Variants in GPR155 observed in about 807,000 individuals in gnomAD.
GPR155 encodes the protein lysosomal cholesterol signaling protein.
GPR155 carries 65 observed loss-of-function variants against 93.1 expected under a neutral mutation model. That is an observed-to-expected ratio of 0.70 (90% confidence interval 0.57 to 0.86). The LOEUF (loss-of-function observed/expected upper bound fraction) is 0.86. Among genes scored for constraint, GPR155 ranks in the 40% least tolerant of loss-of-function variants. The pLI is 0.00. For missense variants in GPR155, 838 were observed against 1,034.8 expected (o/e 0.81, Z 2.61); for synonymous variants, 319 against 360.1 (o/e 0.89, Z 1.29).
chr2:174,448,714 T>G (rs1687230060), intron 11 of GPR155, among the ~76,000 whole-genome samples: 1 of 151,410 alleles, frequency 6.6e-6, no homozygotes, highest in South Asian at 2.1e-4. Context: ...ATTTTTTGTA[T>G]TTTTAGTAGA....
rs1307290630 is a variant in GPR155 at position 174,432,822 on chromosome 2, G to T, written c.*3294C>A. 1 of 140,306 alleles carries T rather than the reference G, an allele frequency of 7.1e-6. No homozygotes were observed. Among genetic ancestry groups the T allele is most frequent in the African/African-American group, 2.7e-5 (1 of 37,166 alleles). 8.7% of individuals were successfully genotyped at this position (140,306 alleles called of 1,614,324 possible). A position where few individuals can be genotyped will look rare whatever the true frequency, so the allele number is the denominator to read the frequency against. Reference sequence around the variant, plus strand: ...TCTGTCGCCCAGGCTGGAGTGCAGTGGCGCGATCTTGGTTCACTGCAAGCT... The same window carrying T: ...TCTGTCGCCCAGGCTGGAGTGCAGTTGCGCGATCTTGGTTCACTGCAAGCT... On this transcript the variant is annotated 3_prime_UTR_variant, in exon 16 of 16. Transcript: ENST00000392552.
At chr2:174,445,459 G>C (rs1687093166) in intron 12 of GPR155, 1 of 230,270 alleles carries the variant, frequency 4.3e-6, no homozygotes, top group Admixed American at 5.5e-5. Flanking sequence ...TTGCCAACTA[G>C]CCTAAGACAG....
intron 13 of GPR155, among the ~76,000 whole-genome samples, chr2:174,442,790 G>C (rs566083492): frequency 6.6e-6 from 1 of 152,266 alleles, no homozygotes; most frequent in East Asian, 1.9e-4. Flanking sequence ...CTTGATAGAA[G>C]TAGAATGGAG....
intron 2 of GPR155, among the ~76,000 whole-genome samples, chr2:174,480,467 T>C (rs1688287007): frequency 6.6e-6 from 1 of 152,164 alleles, no homozygotes; most frequent in South Asian, 2.1e-4. Context: ...ATGATCAAAG[T>C]ATATATAACT....
intron 7 of GPR155, 102 bp downstream of exon 7, chr2:174,465,683 C>G: frequency 3.1e-6 from 2 of 637,916 alleles, no homozygotes; most frequent in Non-Finnish European, 5.7e-6. Context: ...ATGCCTTGAT[C>G]CTGTACTACC....
chr2:174,467,115 C>G (rs1165322998), intron 5 of GPR155, among the ~76,000 whole-genome samples: 1 of 151,938 alleles, frequency 6.6e-6, no homozygotes, highest in Non-Finnish European at 1.5e-5. Context: ...CAAGATTGCA[C>G]CACTGCACTC....
chr2:174,460,079 T>C lies in GPR155; in HGVS notation c.1570A>G (p.Thr524Ala), dbSNP rs750372786. Residue 524 changes from threonine (T) to alanine (A), a missense_variant, in exon 10 of 16, where the codon ACA becomes GCA. By Grantham distance (58) the Thr-to-Ala change is moderately conservative. This residue lies in a region of GPR155 where 663 missense variants were observed against 790.1 expected (regional missense o/e 0.84). Transcript: ENST00000392552. ...ATGCTGCAGAACAGGGTGACTGCTGTGGTGATCATCTGCCGACATGAAAAA... is the reference window on the plus strand; with the variant it reads ...ATGCTGCAGAACAGGGTGACTGCTGCGGTGATCATCTGCCGACATGAAAAA... ...FFYGKEQMIT[T>A]AVTLFCSILI... The C allele has an allele frequency of 6.2e-7, 1 of 1,612,054 alleles. No individual in the cohort carries two copies. Among genetic ancestry groups the C allele is most frequent in the South Asian group, 1.1e-5 (1 of 90,916 alleles).
rs72910831 is a variant in GPR155, at chr2:174,484,033, T to C, written c.-31-2046A>G. Among the ~76,000 whole-genome samples, 1,091 of 152,322 alleles carry C rather than the reference T, an allele frequency of 7.2e-3. 14 individuals are homozygous for C. The highest frequency in any genetic ancestry group is 0.012 in the Non-Finnish European group (806 of 68,040). ...CTATATCACATTAAAAAGACTTAGA[T>C]GGCAGCCCAGAGATCACCAACAACT... On this transcript the variant is annotated intron_variant, in intron 1 of 15. Coordinates refer to ENST00000392552, the MANE Select transcript of GPR155 (RefSeq NM_152529.7).
rs1374369244 is a variant in GPR155, at chr2:174,470,653, C to T, written c.861-98G>A. 8 of 965,218 alleles carry T rather than the reference C, an allele frequency of 8.3e-6. 1 individual carries two copies. In the East Asian group the frequency reaches 2.0e-4, roughly 24 times the overall value. The allele number at this position is 965,218 out of a possible 1,614,324, so 59.8% of individuals were successfully genotyped here. A position where few individuals can be genotyped will look rare whatever the true frequency, so the allele number is the denominator to read the frequency against. Reference sequence around the variant, plus strand: ...GAATTTGGCATCAGGTTCTCCTGCCCAGAAGGTATGTCTATTTGCATGCAC... The same window carrying T: ...GAATTTGGCATCAGGTTCTCCTGCCTAGAAGGTATGTCTATTTGCATGCAC... On this transcript the variant is annotated intron_variant, in intron 3 of 15. Coordinates refer to ENST00000392552, the MANE Select transcript of GPR155 (RefSeq NM_152529.7).
intron 13 of GPR155, among the ~76,000 whole-genome samples, chr2:174,443,456 G>A (rs551494050): frequency 1.4e-4 from 22 of 152,236 alleles, no homozygotes; most frequent in South Asian, 1.2e-3. Context: ...GGCTGGGTGC[G>A]GTGGCCCATG....
Position 174,470,434 on chromosome 2 carries a change from C to T in GPR155, c.982G>A (p.Gly328Arg). 3.7e-6 allele frequency: 6 copies of T among 1,613,594 alleles called. No individual in the cohort carries two copies. Among genetic ancestry groups the T allele is most frequent in the Non-Finnish European group, 4.2e-6 (5 of 1,179,664 alleles). Residue 328 changes from glycine (G) to arginine (R), a missense_variant, in exon 4 of 16, where the codon GGA (glycine) becomes AGA (arginine). By Grantham distance (125) the Gly-to-Arg change is moderately radical. Around this residue, in one of 3 missense-constraint regions of GPR155, gnomAD observed 663 missense variants for 790.1 expected, o/e 0.84. Coordinates refer to ENST00000392552, the MANE Select transcript of GPR155 (RefSeq NM_152529.7). ...AATTGTGTTGCAAAGATAGCCACTC[C>T]TGGTGCTACAGGAAATACACCATAC... The part of the protein sequence containing the change: ...FLYGVFPVAP[G>R]VAIFATQFNM...
rs938074262 is a variant in GPR155, at chr2:174,435,236, T to A, written c.*880A>T. ...ATGCACAGGTTCCACATCCATAGAT[T>A]CAATCAACCGCAGATAAAAAGATGT... is the stretch of plus-strand genomic sequence containing the variant. On this transcript the variant is annotated 3_prime_UTR_variant, in exon 16 of 16. Coordinates refer to ENST00000392552, the MANE Select transcript of GPR155 (RefSeq NM_152529.7). 7 of 152,204 alleles carry A rather than the reference T, an allele frequency of 4.6e-5. No homozygotes were observed. Among genetic ancestry groups the A allele is most frequent in the Non-Finnish European group, 8.8e-5 (6 of 68,032 alleles). The allele number at this position is 152,204 out of a possible 1,614,324, so 9.4% of individuals were successfully genotyped here. A position where few individuals can be genotyped will look rare whatever the true frequency, so the allele number is the denominator to read the frequency against.
intron 7 of GPR155, among the ~76,000 whole-genome samples, chr2:174,464,910 G>A (rs1687796194): frequency 6.6e-6 from 1 of 151,980 alleles, no homozygotes; most frequent in Non-Finnish European, 1.5e-5. Context: ...TGATCCTGAA[G>A]GCATGAAATC....
intron 9 of GPR155, 48 bp downstream of exon 9, chr2:174,461,354 T>C (rs375076901): frequency 5.3e-5 from 62 of 1,169,878 alleles, no homozygotes; most frequent in Middle Eastern, 3.8e-4. Context: ...CATAACGAGC[T>C]AAAAAGAGAC....
intron 11 of GPR155, among the ~76,000 whole-genome samples, chr2:174,451,293 G>C (rs533205407): frequency 6.7e-6 from 1 of 148,958 alleles, no homozygotes; most frequent in Non-Finnish European, 1.5e-5. Flanking sequence ...TAGCCTGGAT[G>C]ACAGAGCGAG....
At chr2:174,474,744 G>C (rs1402106204) in intron 2 of GPR155, among the ~76,000 whole-genome samples, 1 of 152,092 alleles carries the variant, frequency 6.6e-6, no homozygotes, top group Non-Finnish European at 1.5e-5. Flanking sequence ...TCATGAGGGA[G>C]GTGAGTGAGT....
chr2:174,462,712 A>G (rs1330149349), intron 7 of GPR155, among the ~76,000 whole-genome samples: 1 of 152,266 alleles, frequency 6.6e-6, no homozygotes, highest in Non-Finnish European at 1.5e-5. Context: ...TTATGTTTTT[A>G]GAAAACGCCC....
chr2:174,454,765 G>GA (rs1687449152), intron 10 of GPR155, among the ~76,000 whole-genome samples: 1 of 147,650 alleles, frequency 6.8e-6, no homozygotes, highest in South Asian at 2.2e-4. Context: ...GGAGAGGAAG[G>GA]AAGGGAAAGG....
chr2:174,478,379 G>C (rs1268207637), intron 2 of GPR155, among the ~76,000 whole-genome samples: 3 of 152,082 alleles, frequency 2.0e-5, no homozygotes, highest in Admixed American at 6.5e-5. Flanking sequence ...ACCACACCTG[G>C]CTAATTTTGC....
Sources: allele counts gnomAD v4.1 joint callset (sites outside exome capture counted in the v4.1 genomes callset), GRCh38; gene constraint gnomAD v4.1.1; regional missense constraint gnomAD v4.1.1; transcripts MANE v1.5; gene names NCBI Gene and HGNC (gene_info 2026-07-23, HGNC 2026-07-21).